The following ADAM18 variants were observed in gnomAD, a reference collection of about 807,000 sequenced individuals.
The protein encoded by ADAM18 is ADAM metallopeptidase domain 18.
A neutral mutation model predicts 94.4 loss-of-function variants in ADAM18; 117 were observed. The ratio of observed to expected loss-of-function variants is 1.24; its 90% CI spans 1.07 to 1.45. The LOEUF is 1.45. ADAM18 is among the 40% of genes most tolerant of loss of function. The pLI, the probability that ADAM18 is intolerant of heterozygous loss-of-function variation, is 0.00. For missense variants in ADAM18, 936 were observed against 880.0 expected (o/e 1.06, Z -0.81); for synonymous variants, 327 against 291.6 (o/e 1.12, Z -1.24).
intron 2 of ADAM18, among the ~76,000 whole-genome samples, chr8:39,596,363 T>G (rs890812370): frequency 2.7e-4 from 41 of 152,204 alleles, no homozygotes; most frequent in Non-Finnish European, 4.4e-5. Context: ...ATCCTTGACA[T>G]TTACTTATTC....
intron 16 of ADAM18, among the ~76,000 whole-genome samples, chr8:39,680,679 C>A (rs1216087294): frequency 1.3e-5 from 2 of 152,048 alleles, no homozygotes; most frequent in African/African-American, 2.4e-5. Context: ...CAGGCTCATG[C>A]GTATATACAT....
intron 16 of ADAM18, 92 bp downstream of exon 16, chr8:39,680,318 A>G (rs1430987192): frequency 4.4e-5 from 53 of 1,198,264 alleles, no homozygotes; most frequent in Non-Finnish European, 6.1e-5. Context: ...ATTATATTGA[A>G]TGGATTTAAA....
chr8:39,717,462 CT>C (rs1289815953), intron 18 of ADAM18, among the ~76,000 whole-genome samples: 1 of 151,718 alleles, frequency 6.6e-6, no homozygotes, highest in Non-Finnish European at 1.5e-5. Context: ...TGTTTAGCAT[CT>C]TTTCATTTCA....
Position 39,637,348 on chromosome 8 carries a change from T to C in ADAM18, c.660+13T>C, listed in dbSNP as rs749758697. ...GCTTGTCAACACTGTAAGTTTTTAC[T>C]TTTTCACATTTCCATTTTCATGAAA... is the stretch of plus-strand genomic sequence containing the variant. On this transcript the variant is annotated intron_variant, in intron 8 of 19. Transcript: ENST00000265707. The C allele has an allele frequency of 6.3e-7, 1 of 1,585,606 alleles. No homozygotes were observed. The highest frequency in any genetic ancestry group is 1.2e-5 in the South Asian group (1 of 85,398).
intron 11 of ADAM18, among the ~76,000 whole-genome samples, chr8:39,646,987 G>A (rs1376371500): frequency 1.3e-5 from 2 of 152,192 alleles, no homozygotes; most frequent in East Asian, 3.9e-4. Context: ...GAAATGTGAA[G>A]GGGTGGCCTG....
intron 16 of ADAM18, among the ~76,000 whole-genome samples, chr8:39,691,536 TTATTGCCACAC>T (rs1177628874): frequency 6.6e-6 from 1 of 152,092 alleles, no homozygotes; most frequent in Non-Finnish European, 1.5e-5. Context: ...ACTCCCATGT[TTATTGCCACAC>T]TATTCACAAT....
At chr8:39,696,560 GAT>G (rs1264768245) in intron 17 of ADAM18, among the ~76,000 whole-genome samples, 17 of 151,400 alleles carry the variant, frequency 1.1e-4, no homozygotes, top group African/African-American at 4.1e-4. Flanking sequence ...ATATGTTTGA[GAT>G]AAGAGTCTAA....
intron 15 of ADAM18, among the ~76,000 whole-genome samples, 187 bp downstream of exon 15, chr8:39,677,723 G>T (rs1479722136): frequency 1.3e-5 from 2 of 151,964 alleles, no homozygotes; most frequent in African/African-American, 4.8e-5. Context: ...CTAAAAATGA[G>T]ATTGGACAAA....
chr8:39,728,384 T>C (rs1822980614), intron 19 of ADAM18, among the ~76,000 whole-genome samples: 1 of 152,148 alleles, frequency 6.6e-6, no homozygotes, highest in Non-Finnish European at 1.5e-5. Flanking sequence ...TTTAATAAAA[T>C]CATGAGTAAC....
intron 12 of ADAM18, among the ~76,000 whole-genome samples, chr8:39,660,498 A>G (rs991461775): frequency 6.6e-6 from 1 of 152,176 alleles, no homozygotes. Context: ...CAGTCACAAG[A>G]AACAACAAAA....
At chr8:39,686,508 C>T (rs1393382140) in intron 16 of ADAM18, among the ~76,000 whole-genome samples, 1 of 152,186 alleles carries the variant, frequency 6.6e-6, no homozygotes, top group Non-Finnish European at 1.5e-5. Flanking sequence ...CCCTTGTGAC[C>T]TAATCGCCTT....
At chr8:39,648,781 G>A (rs528004968) in intron 12 of ADAM18, among the ~76,000 whole-genome samples, 1 of 152,118 alleles carries the variant, frequency 6.6e-6, no homozygotes, top group Non-Finnish European at 1.5e-5. Flanking sequence ...TGAATATATT[G>A]GCTAAATGAA....
chr8:39,636,220 C>T (rs1223798941), intron 7 of ADAM18, among the ~76,000 whole-genome samples: 1 of 151,976 alleles, frequency 6.6e-6, no homozygotes, highest in Non-Finnish European at 1.5e-5. Flanking sequence ...TGAAGTCTCA[C>T]CATGTTGTCC....
At chr8:39,631,809 C>T (rs1585918272) in intron 7 of ADAM18, among the ~76,000 whole-genome samples, 1 of 152,014 alleles carries the variant, frequency 6.6e-6, no homozygotes, top group African/African-American at 2.4e-5. Context: ...ATAAGGAGAA[C>T]CCCCTCACAT....
intron 18 of ADAM18, among the ~76,000 whole-genome samples, chr8:39,719,409 G>T (rs558250195): frequency 2.0e-5 from 3 of 151,208 alleles, no homozygotes; most frequent in African/African-American, 7.3e-5. Flanking sequence ...GACTTTGAGC[G>T]CAGATTTTGT....
chr8:39,623,488 C>G (rs7843630), intron 6 of ADAM18, among the ~76,000 whole-genome samples: 11 of 144,902 alleles, frequency 7.6e-5, no homozygotes, highest in Admixed American at 4.3e-4. Context: ...AATAAGTTCC[C>G]TTTTCACCAC....
chr8:39,633,277 G>A (rs1410101644), intron 7 of ADAM18, among the ~76,000 whole-genome samples: 2 of 152,164 alleles, frequency 1.3e-5, no homozygotes, highest in African/African-American at 4.8e-5. Context: ...CTAAAAATGT[G>A]GAAATAGTTT....
chr8:39,686,613 T>C (rs567374385), intron 16 of ADAM18, among the ~76,000 whole-genome samples: 32 of 152,324 alleles, frequency 2.1e-4, no homozygotes, highest in African/African-American at 7.0e-4. Flanking sequence ...AGCATGTTAA[T>C]ATCTTGGTTA....
At chr8:39,624,337 A>T (rs2129578890) in intron 6 of ADAM18, among the ~76,000 whole-genome samples, 1 of 152,244 alleles carries the variant, frequency 6.6e-6, no homozygotes, top group African/African-American at 2.4e-5. Context: ...ATGGTGAGAG[A>T]GATAGGGATG....
Sources: allele counts gnomAD v4.1 joint callset (sites outside exome capture counted in the v4.1 genomes callset), GRCh38; gene constraint gnomAD v4.1.1; transcripts MANE v1.5; gene names NCBI Gene and HGNC (gene_info 2026-07-23, HGNC 2026-07-21).